The following CDK14 variants were observed in gnomAD, a reference collection of about 807,000 sequenced individuals.
CDK14 encodes cyclin-dependent kinase 14.
In CDK14, 34 loss-of-function variants were observed where a neutral mutation model predicts 60.7. That is an observed-to-expected ratio of 0.56 (90% CI 0.43 to 0.75). CDK14 has a LOEUF of 0.75. Among genes scored for constraint, CDK14 ranks in the 30% least tolerant of loss-of-function variants. The pLI, the probability that CDK14 is intolerant of heterozygous loss-of-function variation, is 0.00. For synonymous variants in CDK14, 197 were observed against 203.7 expected, an observed-to-expected ratio of 0.97 and a Z score of 0.28; for missense variants, 482 against 564.1, an observed-to-expected ratio of 0.85 and a Z score of 1.47.
At chr7:90,641,192 A>T (rs1051505046) in intron 2 of CDK14, among the ~76,000 whole-genome samples, 1 of 152,068 alleles carries the variant, frequency 6.6e-6, no homozygotes, top group African/African-American at 2.4e-5. Flanking sequence ...CTGCAAAATG[A>T]TTCACCTGCT....
chr7:91,157,738 T>C (rs1363106654), intron 14 of CDK14, among the ~76,000 whole-genome samples: 1 of 152,198 alleles, frequency 6.6e-6, no homozygotes, highest in Admixed American at 6.5e-5. Context: ...GACTAGCTCC[T>C]GCATGGCACA....
intron 9 of CDK14, among the ~76,000 whole-genome samples, chr7:90,969,633 T>G (rs922039258): frequency 4.6e-5 from 7 of 152,206 alleles, no homozygotes; most frequent in African/African-American, 1.4e-4. Flanking sequence ...TGCTTTTTTC[T>G]CATTCTGCCT....
intron 10 of CDK14, among the ~76,000 whole-genome samples, chr7:91,045,099 G>A (rs1232840475): frequency 6.6e-6 from 1 of 152,092 alleles, no homozygotes; most frequent in Non-Finnish European, 1.5e-5. Context: ...TCAGAGCCTG[G>A]CCTCTTAACC....
chr7:91,092,033 A>C (rs1798848169), intron 12 of CDK14, among the ~76,000 whole-genome samples: 1 of 152,184 alleles, frequency 6.6e-6, no homozygotes, highest in Admixed American at 6.5e-5. Flanking sequence ...GCAGCGTTTT[A>C]ATCCTATTTA....
chr7:90,636,788 A>T (rs1014410408), intron 2 of CDK14, among the ~76,000 whole-genome samples: 3 of 152,198 alleles, frequency 2.0e-5, no homozygotes, highest in African/African-American at 7.2e-5. Context: ...TTGGTAAGCT[A>T]TTGATTATTG....
intron 3 of CDK14, among the ~76,000 whole-genome samples, chr7:90,732,435 C>T (rs1264997595): frequency 6.6e-6 from 1 of 152,122 alleles, no homozygotes; most frequent in Non-Finnish European, 1.5e-5. Flanking sequence ...CCCTTTGTAC[C>T]TCTGGTAGAA....
intron 8 of CDK14, among the ~76,000 whole-genome samples, chr7:90,937,654 A>G (rs1382726212): frequency 6.6e-6 from 1 of 152,218 alleles, no homozygotes; most frequent in East Asian, 1.9e-4. Context: ...GAGCTAGATA[A>G]TAAATATTTT....
At chr7:90,684,924 A>G (rs1801399540) in intron 2 of CDK14, among the ~76,000 whole-genome samples, 2 of 151,144 alleles carry the variant, frequency 1.3e-5, no homozygotes, top group Non-Finnish European at 2.9e-5. Flanking sequence ...TCATATTTTC[A>G]TATATATAGT....
At chr7:91,037,378 A>G (rs1227913881) in intron 10 of CDK14, among the ~76,000 whole-genome samples, 4 of 152,114 alleles carry the variant, frequency 2.6e-5, no homozygotes, top group Non-Finnish European at 5.9e-5. Flanking sequence ...CACCTGCATC[A>G]CATGTCTTAT....
At chr7:91,186,118 C>G (rs1802171131) in intron 14 of CDK14, among the ~76,000 whole-genome samples, 1 of 93,372 alleles carries the variant, frequency 1.1e-5, no homozygotes, top group Admixed American at 1.1e-4. Flanking sequence ...CTCCCCTCCC[C>G]TCTCCTCTCC....
intron 2 of CDK14, among the ~76,000 whole-genome samples, chr7:90,662,072 T>C (rs1364252626): frequency 6.6e-6 from 1 of 152,192 alleles, no homozygotes; most frequent in African/African-American, 2.4e-5. Flanking sequence ...CACTTCACTT[T>C]GGAAAAAGCA....
intron 2 of CDK14, among the ~76,000 whole-genome samples, chr7:90,609,319 A>G (rs927687778): frequency 7.2e-5 from 11 of 152,040 alleles, no homozygotes; most frequent in Admixed American, 3.9e-4. Flanking sequence ...GCCATCACAT[A>G]CAGCCATGCA....
chr7:90,878,694 C>T (rs1053674104), intron 6 of CDK14, among the ~76,000 whole-genome samples: 2 of 151,908 alleles, frequency 1.3e-5, no homozygotes, highest in Non-Finnish European at 2.9e-5. Flanking sequence ...ACACATTACA[C>T]CAGAAAATCA....
chr7:90,688,390 A>T (rs1858762), intron 2 of CDK14, among the ~76,000 whole-genome samples: 88,185 of 151,974 alleles, frequency 0.58, 25,814 homozygotes, highest in East Asian at 0.77. Context: ...AAGAAACTTA[A>T]CTTGATGATT....
At chr7:91,148,255 T>C (rs906875782) in intron 14 of CDK14, among the ~76,000 whole-genome samples, 1 of 152,078 alleles carries the variant, frequency 6.6e-6, no homozygotes, top group Non-Finnish European at 1.5e-5. Context: ...TGTGGTGGCA[T>C]GTACCTGTGG....
At chr7:90,817,257 G>A (rs141668635) in intron 5 of CDK14, among the ~76,000 whole-genome samples, 193 of 152,202 alleles carry the variant, frequency 1.3e-3, no homozygotes, top group African/African-American at 4.5e-3. Context: ...TTTAGTATGG[G>A]TCATTTATAT....
rs189926328 is a variant in CDK14 at position 90,721,187 on chromosome 7, A to C, written c.124-5380A>C. 1.7e-4 allele frequency among the ~76,000 whole-genome samples: 26 copies of C among 151,472 alleles called. No homozygotes were observed. In the South Asian group the frequency reaches 5.4e-3, roughly 32 times the overall value. On this transcript the variant is annotated intron_variant, in intron 2 of 14. Transcript: ENST00000380050. ...CATGCTGTGTTGCTTTTCTTTCTAC[A>C]CTCATGCTGCTTGGACCCTCCCCAC...
At chr7:90,952,485 T>A (rs1794292798) in intron 8 of CDK14, among the ~76,000 whole-genome samples, 1 of 152,142 alleles carries the variant, frequency 6.6e-6, no homozygotes, top group African/African-American at 2.4e-5. Context: ...AGCAGGATTA[T>A]CCCTTTTACT....
intron 2 of CDK14, among the ~76,000 whole-genome samples, chr7:90,621,639 T>TCCTA (rs1167240084): frequency 3.9e-4 from 44 of 111,456 alleles, no homozygotes; most frequent in African/African-American, 1.4e-3. Flanking sequence ...CTTCCTTCCT[T>TCCTA]CCTTCCTTCC....
Sources: gnomAD v4.1 joint callset for allele counts (sites outside exome capture counted in the v4.1 genomes callset) on GRCh38, gnomAD v4.1.1 for gene constraint, MANE v1.5 for transcripts, NCBI Gene and HGNC (gene_info 2026-07-23, HGNC 2026-07-21) for gene names.